DTD1: variants seen among roughly 807,000 people sequenced by gnomAD.
DTD1 encodes D-aminoacyl-tRNA deacylase 1, also known as D-tyrosyl-tRNA deacylase 1 homolog.
Under a neutral mutation model 25.6 loss-of-function variants are expected in DTD1, and 13 were observed. The observed-to-expected ratio is 0.51, with a 90% CI of 0.33 to 0.81. DTD1 has a LOEUF of 0.81. Ranked by LOEUF, DTD1 falls within the 30% of genes least tolerant of loss-of-function variation. The pLI is 0.02. For missense variants in DTD1, 193 were observed against 266.4 expected, an observed-to-expected ratio of 0.72 and a Z score of 1.92; for synonymous variants, 110 against 103.6, an observed-to-expected ratio of 1.06 and a Z score of -0.37.
chr20:18,590,988 T>C (rs1270418370), intron 1 of DTD1, among the ~76,000 whole-genome samples: 1 of 152,228 alleles, frequency 6.6e-6, no homozygotes, highest in East Asian at 1.9e-4. Flanking sequence ...TCAAAGGTTA[T>C]GAATTCTTGA....
At chr20:18,741,354 A>C (rs781040888) in intron 4 of DTD1, among the ~76,000 whole-genome samples, 12 of 152,206 alleles carry the variant, frequency 7.9e-5, no homozygotes, top group Admixed American at 2.6e-4. Context: ...TTTGCTGATG[A>C]AGGAAGCTAT....
intron 5 of DTD1, among the ~76,000 whole-genome samples, chr20:18,753,653 A>G (rs1214869271): frequency 2.6e-5 from 4 of 151,296 alleles, no homozygotes; most frequent in East Asian, 3.9e-4. Flanking sequence ...TACAATATAC[A>G]TGAGAAATAA....
At chr20:18,722,547 G>A (rs2061208303) in intron 4 of DTD1, among the ~76,000 whole-genome samples, 1 of 152,186 alleles carries the variant, frequency 6.6e-6, no homozygotes, top group Non-Finnish European at 1.5e-5. Flanking sequence ...ACAGTCTTAT[G>A]TTAGGTTCAT....
At chr20:18,628,765 C>T (rs879843696) in intron 4 of DTD1, among the ~76,000 whole-genome samples, 15 of 152,172 alleles carry the variant, frequency 9.9e-5, no homozygotes, top group East Asian at 3.8e-4. Context: ...TTGGAACCCG[C>T]GTGGTCTCAT....
intron 4 of DTD1, among the ~76,000 whole-genome samples, chr20:18,629,078 C>G (rs529006932): frequency 1.2e-3 from 175 of 149,640 alleles, no homozygotes; most frequent in Middle Eastern, 3.5e-3. Flanking sequence ...CTCACCGCAA[C>G]CTCCGCCTCC....
At chr20:18,632,282 A>C (rs554224589) in intron 4 of DTD1, 1 of 985,480 alleles carries the variant, frequency 1.0e-6, no homozygotes, top group Non-Finnish European at 1.2e-6. Flanking sequence ...TTTCTCCTCA[A>C]ATACACAAAT....
chr20:18,635,632 A>C (rs767565528), intron 4 of DTD1, among the ~76,000 whole-genome samples: 5 of 152,188 alleles, frequency 3.3e-5, no homozygotes, highest in Admixed American at 6.5e-5. Context: ...TGCCTATTGC[A>C]TGAATATTTG....
intron 3 of DTD1, among the ~76,000 whole-genome samples, chr20:18,613,969 T>C (rs1314048657): frequency 6.6e-6 from 1 of 152,192 alleles, no homozygotes; most frequent in Admixed American, 6.5e-5. Flanking sequence ...TCTTTTATAT[T>C]TTACATAAAG....
At chr20:18,716,907 C>T (rs761315832) in intron 4 of DTD1, among the ~76,000 whole-genome samples, 25 of 151,436 alleles carry the variant, frequency 1.7e-4, no homozygotes, top group Non-Finnish European at 3.1e-4. Flanking sequence ...TTTTTTTTTA[C>T]AATGGTTCTT....
In DTD1 at chr20:18,596,110, T is replaced by G; in HGVS notation, c.239T>G (p.Phe80Cys). 6.2e-7 allele frequency: 1 copy of G among 1,614,154 alleles called. No homozygotes were observed. The highest frequency in any genetic ancestry group is 8.5e-7 in the Non-Finnish European group (1 of 1,180,024). The change falls in exon 3 of 6, where the codon TTT (phenylalanine) becomes TGT (cysteine). Residue 80 changes from phenylalanine (F) to cysteine (C), a missense_variant. By Grantham distance (205) the Phe-to-Cys change is radical (BLOSUM62 -2). Coordinates refer to ENST00000377452, the MANE Select transcript of DTD1 (RefSeq NM_080820.6). The part of the protein sequence containing the change: ...KQYEILCVSQ[F>C]TLQCVLKGNK... ...TACGAGATTCTGTGTGTCAGCCAGT[T>G]TACCCTCCAGTGTGTCCTGAAGGGA...
intron 5 of DTD1, among the ~76,000 whole-genome samples, chr20:18,751,702 C>T (rs2122531005): frequency 6.6e-6 from 1 of 152,134 alleles, no homozygotes; most frequent in South Asian, 2.1e-4. Context: ...ACATGTTGGC[C>T]AGGTTGCTTT....
intron 4 of DTD1, among the ~76,000 whole-genome samples, chr20:18,710,518 C>A (rs916218588): frequency 2.6e-5 from 4 of 152,092 alleles, no homozygotes; most frequent in Non-Finnish European, 5.9e-5. Flanking sequence ...GTTTATTATT[C>A]ATAAGTCTGG....
At chr20:18,678,893 C>T (rs6136466) in intron 4 of DTD1, 56,671 of 152,008 alleles carry the variant, frequency 0.37, 10,818 homozygotes, top group Non-Finnish European at 0.41. Context: ...TAGACCCTGC[C>T]GGACACAGGC....
chr20:18,701,594 G>A (rs2061105373), intron 4 of DTD1, among the ~76,000 whole-genome samples: 1 of 152,224 alleles, frequency 6.6e-6, no homozygotes. Flanking sequence ...ATTGCACTAT[G>A]TGAGCTGAAT....
At chr20:18,722,403 G>A (rs187532592) in intron 4 of DTD1, among the ~76,000 whole-genome samples, 36 of 150,236 alleles carry the variant, frequency 2.4e-4, no homozygotes, top group African/African-American at 8.6e-4. Flanking sequence ...GGAATTGGAC[G>A]TCTGCACTTT....
chr20:18,701,970 C>T (rs1323445258), intron 4 of DTD1, among the ~76,000 whole-genome samples: 2 of 152,162 alleles, frequency 1.3e-5, no homozygotes, highest in Admixed American at 6.5e-5. Flanking sequence ...ATATACAGTG[C>T]GATGCCTGAG....
At chr20:18,754,981 T>G (rs193263388) in intron 5 of DTD1, among the ~76,000 whole-genome samples, 185 of 152,330 alleles carry the variant, frequency 1.2e-3, no homozygotes, top group Middle Eastern at 3.4e-3. Flanking sequence ...TCTAAAGGCA[T>G]ACCTAATGGA....
chr20:18,618,672 TACACACACACACAC>T (rs751474809), intron 3 of DTD1, among the ~76,000 whole-genome samples: 21 of 130,546 alleles, frequency 1.6e-4, no homozygotes, highest in Admixed American at 4.0e-4. Context: ...CATAATTTTA[TACACACACACACAC>T]ACACACACAC....
chr20:18,751,089 G>A (rs529637183), intron 5 of DTD1, among the ~76,000 whole-genome samples: 67 of 152,244 alleles, frequency 4.4e-4, no homozygotes, highest in African/African-American at 1.5e-3. Context: ...GTGTGTGGGT[G>A]TGTGTTTTCT....
Sources: allele counts gnomAD v4.1 joint callset (sites outside exome capture counted in the v4.1 genomes callset), GRCh38; gene constraint gnomAD v4.1.1; transcripts MANE v1.5; gene names NCBI Gene and HGNC (gene_info 2026-07-23, HGNC 2026-07-21).